Variants in ZNF420 observed in about 807,000 individuals in gnomAD.
ZNF420 encodes ATM and p53-associated KZNF protein.
In ZNF420, 31 loss-of-function variants were observed where a neutral mutation model predicts 44.7. That is an observed-to-expected ratio of 0.69 (90% CI 0.52 to 0.94). The LOEUF is 0.94. Among genes scored for constraint, ZNF420 ranks in the 40% least tolerant of loss-of-function variants. The pLI is 0.00. For synonymous variants in ZNF420, 245 were observed against 267.4 expected (o/e 0.92, Z 0.82); for missense variants, 681 against 827.9 (o/e 0.82, Z 2.18).
At chr19:37,026,657 T>C (rs1400667553) in intron 1 of ZNF420, among the ~76,000 whole-genome samples, 1 of 151,804 alleles carries the variant, frequency 6.6e-6, no homozygotes, top group Non-Finnish European at 1.5e-5. Flanking sequence ...GTATGGGGTT[T>C]TGCCATGTTG....
intron 1 of ZNF420, among the ~76,000 whole-genome samples, chr19:37,064,238 T>C (rs1030612617): frequency 1.3e-5 from 2 of 152,186 alleles, no homozygotes; most frequent in Non-Finnish European, 2.9e-5. Context: ...AAAGATTTTA[T>C]GGGGAGGTAC....
intron 1 of ZNF420, among the ~76,000 whole-genome samples, chr19:37,069,853 T>C (rs913993641): frequency 5.9e-5 from 9 of 152,046 alleles, no homozygotes; most frequent in African/African-American, 1.2e-4. Context: ...AGTGTAAAAA[T>C]TGATAATATC....
intron 1 of ZNF420, among the ~76,000 whole-genome samples, chr19:37,042,680 G>C (rs1194458679): frequency 6.6e-6 from 1 of 152,190 alleles, no homozygotes; most frequent in Non-Finnish European, 1.5e-5. Flanking sequence ...AGTAATTAGG[G>C]CTTTGTTTTT....
intron 4 of ZNF420, among the ~76,000 whole-genome samples, chr19:37,120,423 A>G (rs1340750312): frequency 1.3e-5 from 2 of 151,944 alleles, no homozygotes; most frequent in South Asian, 4.2e-4. Flanking sequence ...AAATTCAACA[A>G]CCCTTCATGC....
chr19:37,033,530 C>T (rs532453733), intron 1 of ZNF420, among the ~76,000 whole-genome samples: 1 of 152,220 alleles, frequency 6.6e-6, no homozygotes, highest in Non-Finnish European at 1.5e-5. Context: ...TAGCATGCAT[C>T]AGAATGTCCC....
chr19:37,087,315 A>G (rs895926009), intron 2 of ZNF420, among the ~76,000 whole-genome samples: 1 of 149,596 alleles, frequency 6.7e-6, no homozygotes. Context: ...ATAAATAAAT[A>G]AATAAATAAA....
In ZNF420 at chr19:37,127,377, A is replaced by T. The variant is rs767469111; in HGVS notation, c.386A>T (p.His129Leu). 1.9e-6 allele frequency: 3 copies of T among 1,613,646 alleles called. No individual in the cohort carries two copies. The East Asian group carries it at 6.7e-5, about 36-fold the overall frequency. ...IFNQHTYLSQ[H>L]SRCHSTEKPY... ...AACCAGCATACTTACTTATCTCAAC[A>T]TTCAAGATGTCATTCTACTGAGAAA... is the stretch of plus-strand genomic sequence containing the variant. Residue 129 changes from histidine (H) to leucine (L), a missense_variant, in exon 5 of 5, where the codon CAT (histidine) becomes CTT (leucine). Physicochemically the swap from His to Leu is moderately conservative, Grantham distance 99. This residue lies in a region of ZNF420 where 350 missense variants were observed against 382.5 expected (regional missense o/e 0.92). Transcript: ENST00000337995.
intron 4 of ZNF420, among the ~76,000 whole-genome samples, chr19:37,094,690 G>A (rs1171425646): frequency 6.6e-6 from 1 of 152,022 alleles, no homozygotes; most frequent in Non-Finnish European, 1.5e-5. Flanking sequence ...TAACCTTTGT[G>A]GCAATTAGTT....
chr19:37,090,501 CCT>C lies in ZNF420; in HGVS notation c.10-493_10-492del, dbSNP rs540284039. Among the ~76,000 whole-genome samples, 61 of 146,334 alleles carry C rather than the reference CCT, an allele frequency of 4.2e-4. 2 individuals are homozygous for C. In the South Asian group the frequency reaches 0.013, roughly 32 times the overall value. On this transcript the variant is annotated intron_variant, in intron 3 of 4. Coordinates refer to ENST00000337995, the MANE Select transcript of ZNF420 (RefSeq NM_144689.5). ...TCCAGCCTGGATGACAGAGCAAGAC[CCT>C]GTCTCCAAAACAACAACAACAAAAC...
intron 2 of ZNF420, among the ~76,000 whole-genome samples, chr19:37,083,238 T>C (rs1968570908): frequency 6.6e-6 from 1 of 151,926 alleles, no homozygotes; most frequent in Non-Finnish European, 1.5e-5. Context: ...TAGGGCATAG[T>C]ATCTGGTTGT....
chr19:37,093,588 A>ACCT (rs1415523692), intron 4 of ZNF420, among the ~76,000 whole-genome samples: 1 of 151,410 alleles, frequency 6.6e-6, no homozygotes, highest in Non-Finnish European at 1.5e-5. Flanking sequence ...TGATCCAAAC[A>ACCT]CCTCCCACCA....
Position 37,127,402 on chromosome 19 carries a change from A to G in ZNF420, c.411A>G (p.Lys137=), listed in dbSNP as rs754654048. 3 of 1,613,978 alleles carry G rather than the reference A, an allele frequency of 1.9e-6. No homozygotes were observed. Among genetic ancestry groups the G allele is most frequent in the Middle Eastern group, 1.7e-4 (1 of 6,060 alleles). Residue 137 remains lysine, a synonymous_variant, in exon 5 of 5, where the codon AAA becomes AAG. Coordinates refer to ENST00000337995, the MANE Select transcript of ZNF420 (RefSeq NM_144689.5). ...ATTCAAGATGTCATTCTACTGAGAA[A>G]CCCTATAAATGTAAGGAATGTGGGA... is the stretch of plus-strand genomic sequence containing the variant. ...SQHSRCHSTE[K]PYKCKECGKA...
intron 4 of ZNF420, among the ~76,000 whole-genome samples, chr19:37,100,746 CT>C (rs1969726318): frequency 6.6e-6 from 1 of 151,730 alleles, no homozygotes; most frequent in Non-Finnish European, 1.5e-5. Flanking sequence ...TGTTTGGGGA[CT>C]TTTGTGGTTC....
chr19:37,074,028 A>G (rs1968107442), upstream of ZNF420, among the ~76,000 whole-genome samples: 2 of 152,108 alleles, frequency 1.3e-5, no homozygotes, highest in African/African-American at 4.8e-5. Flanking sequence ...AAGCTCTTTT[A>G]TATACAAGAA....
At chr19:37,095,381 A>C (rs1450681605) in intron 4 of ZNF420, among the ~76,000 whole-genome samples, 7 of 152,018 alleles carry the variant, frequency 4.6e-5, no homozygotes, top group Non-Finnish European at 1.0e-4. Flanking sequence ...TGTTTCTCCA[A>C]TCTGGTATTG....
chr19:37,013,431 C>T (rs186317107), intron 1 of ZNF420, among the ~76,000 whole-genome samples: 3 of 152,282 alleles, frequency 2.0e-5, no homozygotes, highest in Non-Finnish European at 2.9e-5. Context: ...GGCAGTGCAT[C>T]CGTGTCAAAG....
chr19:37,076,462 T>G, upstream of ZNF420, among the ~76,000 whole-genome samples: 1 of 152,202 alleles, frequency 6.6e-6, no homozygotes, highest in Non-Finnish European at 1.5e-5. Context: ...GCCATGTTGG[T>G]GTGCTGCACC....
chr19:37,107,962 ACT>A (rs1555765320), intron 4 of ZNF420, among the ~76,000 whole-genome samples: 1 of 151,178 alleles, frequency 6.6e-6, no homozygotes, highest in Non-Finnish European at 1.5e-5. Context: ...CTCATTATAA[ACT>A]CCAGGTGTAA....
At chr19:37,036,158 A>T (rs1000805855) in intron 1 of ZNF420, among the ~76,000 whole-genome samples, 6 of 152,210 alleles carry the variant, frequency 3.9e-5, no homozygotes, top group African/African-American at 1.2e-4. Flanking sequence ...AAGAACTTCT[A>T]GTGTTCAATA....
Sources: gnomAD v4.1 joint callset for allele counts (sites outside exome capture counted in the v4.1 genomes callset) on GRCh38, gnomAD v4.1.1 for gene constraint, gnomAD v4.1.1 regional missense constraint, MANE v1.5 for transcripts, NCBI Gene and HGNC (gene_info 2026-07-23, HGNC 2026-07-21) for gene names.